The following EPB41L4A variants were observed in gnomAD, a reference collection of about 807,000 sequenced individuals.
EPB41L4A encodes band 4.1-like protein 4A.
Under a neutral mutation model 108.6 loss-of-function variants are expected in EPB41L4A, and 100 were observed. The ratio of observed to expected loss-of-function variants is 0.92; its 90% CI spans 0.78 to 1.09. The LOEUF (loss-of-function observed/expected upper bound fraction) is 1.09. Ranked by LOEUF, EPB41L4A falls within the 50% of genes least tolerant of loss-of-function variation. The pLI is 0.00. For missense variants in EPB41L4A, 1,030 were observed against 842.7 expected (o/e 1.22, Z -2.75); for synonymous variants, 319 against 289.0 (o/e 1.10, Z -1.05).
At chr5:112,390,302 C>T (rs572782283) in intron 1 of EPB41L4A, among the ~76,000 whole-genome samples, 1 of 152,294 alleles carries the variant, frequency 6.6e-6, no homozygotes, top group East Asian at 1.9e-4. Context: ...CCAAGGGAAG[C>T]CGTGACAGAC....
chr5:112,200,819 G>A (rs1406354867), intron 15 of EPB41L4A, among the ~76,000 whole-genome samples: 1 of 152,008 alleles, frequency 6.6e-6, no homozygotes, highest in Non-Finnish European at 1.5e-5. Flanking sequence ...GATCTCAGAG[G>A]GTAGTACCAC....
At chr5:112,266,447 C>T (rs1561525052) in intron 4 of EPB41L4A, 117 bp from the exon 5 acceptor site, 1 of 676,704 alleles carries the variant, frequency 1.5e-6, no homozygotes, top group Non-Finnish European at 2.5e-6. Context: ...AAAGTCACCC[C>T]CCATTCTTGT....
intron 2 of EPB41L4A, among the ~76,000 whole-genome samples, chr5:112,294,278 G>A (rs1753851018): frequency 6.6e-6 from 1 of 152,194 alleles, no homozygotes; most frequent in Admixed American, 6.5e-5. Flanking sequence ...GAGGGAGCAT[G>A]CAGGCGTGGG....
At chr5:112,280,411 C>A (rs770409706) in intron 2 of EPB41L4A, 88 bp from the exon 3 acceptor site, 2 of 1,238,294 alleles carry the variant, frequency 1.6e-6, no homozygotes, top group Non-Finnish European at 2.4e-6. Flanking sequence ...GTTATTTAAA[C>A]AACATTTTAA....
chr5:112,167,432 T>C (rs924652055), intron 22 of EPB41L4A, among the ~76,000 whole-genome samples: 5 of 152,232 alleles, frequency 3.3e-5, no homozygotes, highest in Non-Finnish European at 7.3e-5. Context: ...AAGCTGCGTT[T>C]ACCATGCAGA....
intron 2 of EPB41L4A, among the ~76,000 whole-genome samples, chr5:112,292,884 A>C (rs1448902843): frequency 2.6e-5 from 4 of 152,210 alleles, no homozygotes; most frequent in African/African-American, 9.6e-5. Context: ...CAACTGTCTG[A>C]AATTCCTTCC....
chr5:112,245,045 G>A (rs1750105460), intron 9 of EPB41L4A, among the ~76,000 whole-genome samples: 1 of 150,910 alleles, frequency 6.6e-6, no homozygotes, highest in African/African-American at 2.4e-5. Context: ...TGACAGGGTT[G>A]CCACAAATCT....
chr5:112,270,824 A>G (rs1173557427), intron 4 of EPB41L4A, among the ~76,000 whole-genome samples: 2 of 152,228 alleles, frequency 1.3e-5, no homozygotes, highest in Non-Finnish European at 2.9e-5. Flanking sequence ...TGAACATAAT[A>G]TCAATCCTCA....
intron 1 of EPB41L4A, among the ~76,000 whole-genome samples, chr5:112,361,602 G>A (rs954460280): frequency 6.6e-6 from 1 of 150,508 alleles, no homozygotes; most frequent in African/African-American, 2.4e-5. Flanking sequence ...TATTGAATCT[G>A]TACTGGTCTT....
chr5:112,166,663 ATTTGT>A (rs1322689630), intron 22 of EPB41L4A, among the ~76,000 whole-genome samples: 1 of 152,110 alleles, frequency 6.6e-6, no homozygotes, highest in Non-Finnish European at 1.5e-5. Context: ...GCATACTCCT[ATTTGT>A]TTTAACTGTT....
intron 12 of EPB41L4A, among the ~76,000 whole-genome samples, chr5:112,155,258 C>T (rs1463474026): frequency 1.3e-5 from 2 of 151,992 alleles, no homozygotes; most frequent in Admixed American, 6.6e-5. Context: ...GTATTTAGGA[C>T]CACAACATCA....
chr5:112,305,400 G>T (rs1174702134), intron 2 of EPB41L4A, among the ~76,000 whole-genome samples: 1 of 152,100 alleles, frequency 6.6e-6, no homozygotes, highest in Non-Finnish European at 1.5e-5. Flanking sequence ...CGAATGTACA[G>T]TAATTCAATC....
At chr5:112,406,518 C>T (rs1210399952) in intron 1 of EPB41L4A, among the ~76,000 whole-genome samples, 1 of 151,954 alleles carries the variant, frequency 6.6e-6, no homozygotes. Context: ...TAAAGCTTCC[C>T]TCGAGCAGAA....
chr5:112,205,989 C>CCA (rs2150301678), intron 13 of EPB41L4A: 1 of 155,170 alleles, frequency 6.4e-6, no homozygotes, highest in African/African-American at 2.4e-5. Flanking sequence ...TTCCTGGCTT[C>CCA]CGCCTTATCT....
chr5:112,230,844 T>C (rs1281691539), intron 12 of EPB41L4A, among the ~76,000 whole-genome samples: 1 of 152,032 alleles, frequency 6.6e-6, no homozygotes, highest in African/African-American at 2.4e-5. Flanking sequence ...TCTTCTAGAG[T>C]TTTTATGGTT....
At chr5:112,162,038 G>A (rs1194810304), downstream of EPB41L4A, 1 of 152,242 alleles carries the variant, frequency 6.6e-6, no homozygotes, top group Non-Finnish European at 1.5e-5. Context: ...TTTATGTGTA[G>A]TAATTGAGTT....
Position 112,399,304 on chromosome 5 carries a change from G to A in EPB41L4A, c.99+19637C>T, listed in dbSNP as rs144523523. Reference sequence around the variant, plus strand: ...GCCCAAACATCCCATTCTCAGGAAGGCTCCCCTCCCATTCAATCAGATTCC... The same window carrying A: ...GCCCAAACATCCCATTCTCAGGAAGACTCCCCTCCCATTCAATCAGATTCC... On this transcript the variant is annotated intron_variant, in intron 1 of 22. Coordinates refer to ENST00000261486, the MANE Select transcript of EPB41L4A (RefSeq NM_022140.5). Among the ~76,000 whole-genome samples the A allele has an allele frequency of 3.1e-3, 468 of 152,100 alleles. 3 individuals carry two copies. Among genetic ancestry groups the A allele is most frequent in the Middle Eastern group, 0.01 (3 of 294 alleles).
intron 1 of EPB41L4A, among the ~76,000 whole-genome samples, chr5:112,390,760 C>T (rs1169367922): frequency 6.6e-6 from 1 of 152,128 alleles, no homozygotes; most frequent in Non-Finnish European, 1.5e-5. Context: ...GGATCCCTGA[C>T]CCCCATGTAG....
At chr5:112,356,093 G>C (rs1022385612) in intron 1 of EPB41L4A, among the ~76,000 whole-genome samples, 5 of 152,084 alleles carry the variant, frequency 3.3e-5, no homozygotes, top group Non-Finnish European at 5.9e-5. Context: ...TTTTGGAAGG[G>C]GGGTAAGGTG....
Sources: gnomAD v4.1 joint callset for allele counts (sites outside exome capture counted in the v4.1 genomes callset) on GRCh38, gnomAD v4.1.1 for gene constraint, MANE v1.5 for transcripts, NCBI Gene and HGNC (gene_info 2026-07-23, HGNC 2026-07-21) for gene names.